The following PTPRN2 variants were observed in gnomAD, a reference collection of about 807,000 sequenced individuals.
PTPRN2 encodes protein tyrosine phosphatase receptor type N2.
Under a neutral mutation model 118.8 loss-of-function variants are expected in PTPRN2, and 74 were observed. The observed-to-expected ratio is 0.62, with a 90% CI of 0.52 to 0.76. The LOEUF (loss-of-function observed/expected upper bound fraction) is 0.76. Among genes scored for constraint, PTPRN2 ranks in the 30% least tolerant of loss-of-function variants. The pLI is 0.00. For synonymous variants in PTPRN2, 641 were observed against 608.0 expected, an observed-to-expected ratio of 1.05 and a Z score of -0.80; for missense variants, 1,481 against 1,394.4, an observed-to-expected ratio of 1.06 and a Z score of -0.99.
chr7:157,986,191 G>A lies in PTPRN2; in HGVS notation c.1724-87454C>T, dbSNP rs1037507860. Among the ~76,000 whole-genome samples the A allele has an allele frequency of 2.5e-4, 38 of 152,202 alleles. No homozygotes were observed. Among genetic ancestry groups the A allele is most frequent in the Admixed American group, 2.0e-3 (30 of 15,282 alleles). ...CTCTCGTATGTCCGGGGGAAGCTATGGAGAGGGTGCTGCAAAGCTGCCAGC... is the reference window on the plus strand; with the variant it reads ...CTCTCGTATGTCCGGGGGAAGCTATAGAGAGGGTGCTGCAAAGCTGCCAGC... On this transcript the variant is annotated intron_variant, in intron 11 of 22. Transcript: ENST00000389418. The surrounding 1 kb of genome is among the most constrained non-coding windows in gnomAD (Gnocchi z 4.5).
chr7:158,018,973 A>C (rs1262855697), intron 11 of PTPRN2, among the ~76,000 whole-genome samples: 20 of 131,794 alleles, frequency 1.5e-4, no homozygotes, highest in East Asian at 8.1e-4. Flanking sequence ...AAACAAAAAA[A>C]AAAAAAAAAA....
At chr7:158,337,435 GTGACACCCA>G (rs1805862393) in intron 2 of PTPRN2, among the ~76,000 whole-genome samples, 1 of 92,136 alleles carries the variant, frequency 1.1e-5, no homozygotes, top group Admixed American at 1.0e-4. Flanking sequence ...ACCATAAGAG[GTGACACCCA>G]CAGACGTCAC....
At chr7:158,122,106 G>A (rs999351233) in intron 9 of PTPRN2, among the ~76,000 whole-genome samples, 1 of 152,160 alleles carries the variant, frequency 6.6e-6, no homozygotes, top group Non-Finnish European at 1.5e-5. Context: ...CTCAATACCT[G>A]GACACTAATA....
At chr7:158,347,257 C>G (rs1807581133) in intron 2 of PTPRN2, among the ~76,000 whole-genome samples, 1 of 152,088 alleles carries the variant, frequency 6.6e-6, no homozygotes, top group South Asian at 2.1e-4. Context: ...TCTTTAATCC[C>G]TTTTGAGTTT....
At chr7:158,115,364 C>T (rs1442910605) in intron 9 of PTPRN2, among the ~76,000 whole-genome samples, 2 of 151,974 alleles carry the variant, frequency 1.3e-5, no homozygotes, top group African/African-American at 4.8e-5. Flanking sequence ...GATGTGTCAG[C>T]GGGTAAGGTG....
chr7:158,190,337 G>A (rs67764605), intron 5 of PTPRN2, among the ~76,000 whole-genome samples: 47,093 of 152,110 alleles, frequency 0.31, 7,522 homozygotes, highest in African/African-American at 0.36. Context: ...GATGTCTGGC[G>A]CACCAGACGT....
At chr7:157,765,853 T>TCATC (rs142646247) in intron 12 of PTPRN2, among the ~76,000 whole-genome samples, 39,745 of 128,696 alleles carry the variant, frequency 0.31, 7,806 homozygotes, top group African/African-American at 0.57. Context: ...ACTCATCCAC[T>TCATC]CATCCATCCA....
intron 12 of PTPRN2, among the ~76,000 whole-genome samples, chr7:157,755,438 G>T (rs924544177): frequency 1.3e-5 from 2 of 152,102 alleles, no homozygotes; most frequent in Admixed American, 1.3e-4. Flanking sequence ...TCTAGGGCAG[G>T]TTCATGTTTA....
chr7:157,942,137 G>GCACAGGGGTCCTCGGCCCACCCTCCACA (rs1367284471), intron 11 of PTPRN2, among the ~76,000 whole-genome samples: 1 of 88,186 alleles, frequency 1.1e-5, no homozygotes, highest in Non-Finnish European at 2.2e-5. Flanking sequence ...CCTTCCACAC[G>GCACAGGGGTCCTCGGCCCACCCTCCACA]CACAGGGGTC....
intron 11 of PTPRN2, among the ~76,000 whole-genome samples, chr7:158,070,728 G>T (rs1811260792): frequency 7.9e-6 from 1 of 126,752 alleles, no homozygotes; most frequent in Non-Finnish European, 1.6e-5. Context: ...GTGGTGTGGA[G>T]GTGCCCGTGG....
At chr7:158,213,891 T>C (rs531382622) in intron 3 of PTPRN2, among the ~76,000 whole-genome samples, 1 of 152,190 alleles carries the variant, frequency 6.6e-6, no homozygotes, top group East Asian at 1.9e-4. Context: ...AACTAAAATT[T>C]AAAAATTTTT....
In PTPRN2 at chr7:158,328,594, C is replaced by T. The variant is rs189238984; in HGVS notation, c.164-11662G>A. ...CACCCACAGCGGGAGCCTCACTGTC[C>T]GGAGAGGCCAGCTTCCCTTGTGTGA... On this transcript the variant is annotated intron_variant, in intron 2 of 22. Transcript: ENST00000389418. Among the ~76,000 whole-genome samples, 1,026 of 152,232 alleles carry T rather than the reference C, an allele frequency of 6.7e-3. 11 individuals are homozygous for T. Among genetic ancestry groups the T allele is most frequent in the Non-Finnish European group, 7.9e-3 (539 of 67,992 alleles).
In PTPRN2 at chr7:157,974,755, T is replaced by A. The variant is rs1274805238; in HGVS notation, c.1724-76018A>T. Among the ~76,000 whole-genome samples the A allele has an allele frequency of 2.0e-5, 3 of 151,102 alleles. No homozygotes were observed. Among genetic ancestry groups the A allele is most frequent in the African/African-American group, 7.3e-5 (3 of 41,008 alleles). ...GGGAGGTGTTGCTGGGCATGGTGGATTTGCAAATTTCCAGGGCGGTGGGGG... is the reference window on the plus strand; with the variant it reads ...GGGAGGTGTTGCTGGGCATGGTGGAATTGCAAATTTCCAGGGCGGTGGGGG... On this transcript the variant is annotated intron_variant, in intron 11 of 22. Transcript: ENST00000389418. This position sits in a 1 kb window ranked among gnomAD's most constrained non-coding sequence, Gnocchi z 4.0.
At chr7:158,375,527 A>T (rs1179627277) in intron 2 of PTPRN2, among the ~76,000 whole-genome samples, 2 of 152,254 alleles carry the variant, frequency 1.3e-5, no homozygotes, top group Non-Finnish European at 1.5e-5. Context: ...AGCATCACTG[A>T]TATGGGCAGG....
intron 6 of PTPRN2, among the ~76,000 whole-genome samples, chr7:158,144,134 G>T (rs1256136424): frequency 2.6e-5 from 4 of 152,228 alleles, no homozygotes; most frequent in Non-Finnish European, 5.9e-5. Flanking sequence ...CAAATGGTGA[G>T]AGAATAAAAA....
At chr7:158,199,343 C>T (rs1826453360) in intron 4 of PTPRN2, among the ~76,000 whole-genome samples, 1 of 152,300 alleles carries the variant, frequency 6.6e-6, no homozygotes, top group South Asian at 2.1e-4. Flanking sequence ...TACTGCTTTG[C>T]TGATTTTCCA....
chr7:158,424,964 C>G (rs935151290), intron 2 of PTPRN2, among the ~76,000 whole-genome samples: 7 of 152,228 alleles, frequency 4.6e-5, no homozygotes, highest in Non-Finnish European at 1.0e-4. Context: ...CTCACCAGGT[C>G]TGGGGCCCGG....
intron 2 of PTPRN2, among the ~76,000 whole-genome samples, chr7:158,449,190 A>T (rs948655707): frequency 1.3e-5 from 2 of 152,194 alleles, no homozygotes; most frequent in African/African-American, 2.4e-5. Flanking sequence ...GTTTTCTCCC[A>T]GGTCATGCGT....
intron 11 of PTPRN2, among the ~76,000 whole-genome samples, chr7:158,072,076 CGTG>C (rs1380173910): frequency 2.4e-5 from 3 of 125,748 alleles, no homozygotes; most frequent in Non-Finnish European, 3.6e-5. Context: ...TGGAGGTGCT[CGTG>C]GTGGTGGAGG....
Sources: gnomAD v4.1 joint callset for allele counts (sites outside exome capture counted in the v4.1 genomes callset) on GRCh38, gnomAD v4.1.1 for gene constraint, Gnocchi (gnomAD v3.1) non-coding constraint, MANE v1.5 for transcripts, NCBI Gene and HGNC (gene_info 2026-07-23, HGNC 2026-07-21) for gene names.